The following ENTREP2 variants were observed in gnomAD, a reference collection of about 807,000 sequenced individuals.
ENTREP2 encodes the protein endosomal transmembrane epsin interactor 2, also known as protein ENTREP2.
the ENTREP2 span, among the ~76,000 whole-genome samples, chr15:29,378,338 T>C: frequency 5.0e-3 from 758 of 152,278 alleles, 6 homozygotes; most frequent in African/African-American, 0.017. Flanking sequence ...TTATTCTGGA[T>C]AGAACATCTT....
At chr15:29,497,973 G>C in the ENTREP2 span, among the ~76,000 whole-genome samples, 1 of 152,030 alleles carries the variant, frequency 6.6e-6, no homozygotes, top group Admixed American at 6.6e-5. Context: ...TTGGCTCTGT[G>C]TCCCCATGCA....
the ENTREP2 span, among the ~76,000 whole-genome samples, chr15:29,343,028 G>GGGGT: frequency 1.9e-4 from 5 of 26,766 alleles, 1 homozygote; most frequent in East Asian, 3.6e-3. Flanking sequence ...AAAAAGGAAT[G>GGGGT]GGGGGGGTGG....
the ENTREP2 span, among the ~76,000 whole-genome samples, chr15:29,498,724 TATCCTGTCTGTAGTTGAAAGTTAG>T: frequency 6.6e-6 from 1 of 152,156 alleles, no homozygotes; most frequent in Non-Finnish European, 1.5e-5. Context: ...TCTCTCTGGA[TATCCTGTCTGTAGTTGAAAGTTAG>T]GTAATGAGGT....
chr15:29,635,208 C>T, the ENTREP2 span, among the ~76,000 whole-genome samples: 1 of 152,144 alleles, frequency 6.6e-6, no homozygotes, highest in African/African-American at 2.4e-5. Flanking sequence ...TCAACTCAAC[C>T]TCCACGTTGG....
chr15:29,435,322 G>A, the ENTREP2 span, among the ~76,000 whole-genome samples: 32 of 152,142 alleles, frequency 2.1e-4, no homozygotes, highest in Non-Finnish European at 4.6e-4. Flanking sequence ...CAAAGGGGAA[G>A]TAATATAAAT....
chr15:29,366,906 T>C, the ENTREP2 span, among the ~76,000 whole-genome samples: 1 of 152,290 alleles, frequency 6.6e-6, no homozygotes, highest in African/African-American at 2.4e-5. Flanking sequence ...AGCAAGGAGA[T>C]TGCCAAGTGA....
chr15:29,346,767 A>T, the ENTREP2 span, among the ~76,000 whole-genome samples: 1 of 152,066 alleles, frequency 6.6e-6, no homozygotes, highest in Non-Finnish European at 1.5e-5. Flanking sequence ...TCTTTTTTTA[A>T]ATTATAAATA....
chr15:29,246,695 C>T, the ENTREP2 span, among the ~76,000 whole-genome samples: 1 of 151,222 alleles, frequency 6.6e-6, no homozygotes. Flanking sequence ...AAGAGCAAAA[C>T]TCCATCTCAA....
At chr15:29,666,484 C>G in the ENTREP2 span, among the ~76,000 whole-genome samples, 10 of 152,176 alleles carry the variant, frequency 6.6e-5, no homozygotes, top group Middle Eastern at 6.8e-3. Flanking sequence ...ATGTCTCCCC[C>G]ATTGTCTTCT....
At chr15:29,437,817 T>C in the ENTREP2 span, among the ~76,000 whole-genome samples, 30 of 152,198 alleles carry the variant, frequency 2.0e-4, 1 homozygote, top group Non-Finnish European at 1.5e-5. Context: ...GGTGTCCTCC[T>C]GAATGGCAGA....
the ENTREP2 span, among the ~76,000 whole-genome samples, chr15:29,132,517 C>T: frequency 5.9e-5 from 9 of 152,062 alleles, no homozygotes; most frequent in South Asian, 2.1e-4. Flanking sequence ...TGGGGGTCTC[C>T]GAGCCAACAC....
At chr15:29,269,237 T>C in the ENTREP2 span, 1 of 1,613,762 alleles carries the variant, frequency 6.2e-7, no homozygotes. Flanking sequence ...GGCTCCAGGG[T>C]GTTGATGAGG....
At chr15:29,294,641 G>A in the ENTREP2 span, among the ~76,000 whole-genome samples, 67 of 152,236 alleles carry the variant, frequency 4.4e-4, no homozygotes, top group Middle Eastern at 0.01. Flanking sequence ...ATAAACAAGG[G>A]TAAATCTTAG....
the ENTREP2 span, among the ~76,000 whole-genome samples, chr15:29,331,286 G>A: frequency 7.2e-4 from 109 of 152,322 alleles, 1 homozygote; most frequent in Admixed American, 3.3e-3. Flanking sequence ...GGCCCGCCGG[G>A]AGGAGGGAAA....
the ENTREP2 span, among the ~76,000 whole-genome samples, chr15:29,380,827 G>A: frequency 6.6e-6 from 1 of 150,376 alleles, no homozygotes; most frequent in African/African-American, 2.4e-5. Flanking sequence ...TTAATGTCTA[G>A]ATGAAATGCA....
the ENTREP2 span, among the ~76,000 whole-genome samples, chr15:29,133,113 C>T: frequency 6.6e-6 from 1 of 152,202 alleles, no homozygotes; most frequent in African/African-American, 2.4e-5. Context: ...AGCCTCCCCT[C>T]TGCCTTCCCA....
At chr15:29,479,278 T>C in the ENTREP2 span, among the ~76,000 whole-genome samples, 362 of 151,544 alleles carry the variant, frequency 2.4e-3, 2 homozygotes, top group African/African-American at 8.2e-3. Flanking sequence ...TGGTATGCGG[T>C]TGCTCCTGCT....
At chr15:29,233,777 T>C in the ENTREP2 span, 2 of 1,542,472 alleles carry the variant, frequency 1.3e-6, no homozygotes, top group Non-Finnish European at 1.8e-6. Context: ...ATGATGTGTG[T>C]GGTGTCCAGA....
chr15:29,560,060 A>G, the ENTREP2 span, among the ~76,000 whole-genome samples: 2 of 152,232 alleles, frequency 1.3e-5, no homozygotes, highest in African/African-American at 4.8e-5. Context: ...TTGAGAGGAC[A>G]AGAGCAGAAG....
Sources: gnomAD v4.1 joint callset for allele counts (sites outside exome capture counted in the v4.1 genomes callset) on GRCh38, gnomAD v4.1.1 for gene constraint, MANE v1.5 for transcripts, NCBI Gene and HGNC (gene_info 2026-07-23, HGNC 2026-07-21) for gene names.